TTC29: variants seen among roughly 807,000 people sequenced by gnomAD.
The protein encoded by TTC29 is tetratricopeptide repeat domain 29.
TTC29 carries 49 observed loss-of-function variants against 58.1 expected under a neutral mutation model. The ratio of observed to expected loss-of-function variants is 0.84; its 90% CI spans 0.67 to 1.07. The LOEUF (loss-of-function observed/expected upper bound fraction) is 1.07. Among genes scored for constraint, TTC29 ranks in the 50% least tolerant of loss-of-function variants. The pLI is 0.00. For synonymous variants in TTC29, 209 were observed against 196.8 expected, an observed-to-expected ratio of 1.06 and a Z score of -0.52; for missense variants, 582 against 555.6, an observed-to-expected ratio of 1.05 and a Z score of -0.48.
chr4:146,802,841 G>T (rs1349565804), intron 11 of TTC29, among the ~76,000 whole-genome samples: 1 of 152,078 alleles, frequency 6.6e-6, no homozygotes, highest in African/African-American at 2.4e-5. Flanking sequence ...CCATTCTAAA[G>T]TTCTTAACTG....
chr4:146,728,983 C>A (rs1336461750), intron 11 of TTC29, among the ~76,000 whole-genome samples: 1 of 150,234 alleles, frequency 6.7e-6, no homozygotes, highest in African/African-American at 2.4e-5. Context: ...CTGCTGTATC[C>A]CCAGTGCCTC....
chr4:146,842,587 T>C (rs2150170968), intron 8 of TTC29, among the ~76,000 whole-genome samples: 2 of 152,224 alleles, frequency 1.3e-5, no homozygotes, highest in South Asian at 4.1e-4. Flanking sequence ...AAAAATTGTC[T>C]ATAAAACCAT....
At chr4:146,943,917 T>G (rs1373752524) in intron 2 of TTC29, among the ~76,000 whole-genome samples, 1 of 152,166 alleles carries the variant, frequency 6.6e-6, no homozygotes, top group Non-Finnish European at 1.5e-5. Context: ...ATGGGACTAG[T>G]GCTATGAGGT....
chr4:146,754,034 C>T (rs937597207), intron 11 of TTC29, among the ~76,000 whole-genome samples: 4 of 150,632 alleles, frequency 2.7e-5, no homozygotes, highest in African/African-American at 7.3e-5. Flanking sequence ...TGCATATGTA[C>T]CCTAAAACTT....
At chr4:146,766,440 C>A (rs1747327329) in intron 11 of TTC29, among the ~76,000 whole-genome samples, 1 of 152,042 alleles carries the variant, frequency 6.6e-6, no homozygotes, top group African/African-American at 2.4e-5. Flanking sequence ...TTCTGACATT[C>A]TTAAAGCATT....
intron 11 of TTC29, among the ~76,000 whole-genome samples, chr4:146,785,154 T>G (rs1748916553): frequency 6.6e-6 from 1 of 151,946 alleles, no homozygotes; most frequent in African/African-American, 2.4e-5. Context: ...TTTCAGCTAT[T>G]GTTTATTAAT....
chr4:146,827,470 G>T (rs1477119661), intron 9 of TTC29, among the ~76,000 whole-genome samples: 1 of 152,158 alleles, frequency 6.6e-6, no homozygotes, highest in Non-Finnish European at 1.5e-5. Context: ...CCAAGGTTTG[G>T]AAAACATTCA....
chr4:146,942,425 T>A (rs1357206941), intron 2 of TTC29, among the ~76,000 whole-genome samples: 2 of 152,220 alleles, frequency 1.3e-5, no homozygotes, highest in East Asian at 3.8e-4. Context: ...TTAAAAAATC[T>A]ATTTTTCTGA....
chr4:146,726,019 T>G (rs1375458788), intron 11 of TTC29, among the ~76,000 whole-genome samples: 1 of 152,116 alleles, frequency 6.6e-6, no homozygotes, highest in East Asian at 1.9e-4. Context: ...ACTATTGATG[T>G]GTACTACCAA....
At position 146,942,442 on chromosome 4, in the gene TTC29, GTTATA is replaced by G. The variant is rs1294827812; in HGVS notation, c.-6-2546_-6-2542del. 5.7e-5 allele frequency: 26 copies of G among 457,288 alleles called. No individual in the cohort carries two copies. In the Admixed American group the frequency reaches 7.8e-4, roughly 14 times the overall value. 28.3% of individuals were successfully genotyped at this position (457,288 alleles called of 1,614,324 possible). A position where few individuals can be genotyped will look rare whatever the true frequency, so the allele number is the denominator to read the frequency against. On this transcript the variant is annotated intron_variant, in intron 2 of 12. Coordinates refer to ENST00000325106, the MANE Select transcript of TTC29 (RefSeq NM_031956.4). Reference sequence around the variant, plus strand: ...AAAAAATCTATTTTTCTGATTAGATGTTATATTAAACAGTTGAGTTACTGGAATAA... The same window carrying G: ...AAAAAATCTATTTTTCTGATTAGATGTTAAACAGTTGAGTTACTGGAATAA...
rs184071538 is a variant in TTC29, at chr4:146,763,363, T to A, written c.1330+40094A>T. Among the ~76,000 whole-genome samples the A allele has an allele frequency of 5.3e-5, 8 of 152,212 alleles. No individual in the cohort carries two copies. In the East Asian group the frequency reaches 1.4e-3, roughly 26 times the overall value. On this transcript the variant is annotated intron_variant, in intron 11 of 12. Coordinates refer to ENST00000325106, the MANE Select transcript of TTC29 (RefSeq NM_031956.4). ...TTTCCCATTCTCTCCTATTTCTGACTTTTTTAACTACAAGGAATTTTGTTG... is the reference window on the plus strand; with the variant it reads ...TTTCCCATTCTCTCCTATTTCTGACATTTTTAACTACAAGGAATTTTGTTG...
intron 9 of TTC29, among the ~76,000 whole-genome samples, chr4:146,828,546 A>C (rs1297723825): frequency 1.3e-5 from 2 of 152,232 alleles, no homozygotes; most frequent in East Asian, 3.9e-4. Context: ...ATGTTTCTAA[A>C]AACCAATATA....
intron 11 of TTC29, among the ~76,000 whole-genome samples, chr4:146,760,556 C>A (rs1746806756): frequency 6.6e-6 from 1 of 151,746 alleles, no homozygotes; most frequent in Non-Finnish European, 1.5e-5. Context: ...GCCATAGTCA[C>A]TAAAACAGCA....
At chr4:146,905,843 C>A (rs1733487355) in intron 5 of TTC29, among the ~76,000 whole-genome samples, 1 of 152,184 alleles carries the variant, frequency 6.6e-6, no homozygotes, top group South Asian at 2.1e-4. Flanking sequence ...ACCTGCTTAA[C>A]CTCAATGTTA....
At position 146,715,193 on chromosome 4, in the gene TTC29, A is replaced by G. The variant is rs550101202; in HGVS notation, c.1331-7642T>C. On this transcript the variant is annotated intron_variant, in intron 11 of 12. Transcript: ENST00000325106. ...GGTGGGAATGTAAATTAGTACAGCC[A>G]TTATGGAGGTTTCTCAAAAAACTAT... Among the ~76,000 whole-genome samples the G allele has an allele frequency of 1.2e-4, 19 of 152,278 alleles. 1 individual carries two copies. The South Asian group carries it at 3.9e-3, about 32-fold the overall frequency.
chr4:146,825,641 A>C (rs1168947493), intron 9 of TTC29, among the ~76,000 whole-genome samples: 3 of 152,184 alleles, frequency 2.0e-5, no homozygotes, highest in Admixed American at 1.3e-4. Flanking sequence ...AGCTGAGTTC[A>C]AGTCCTGAAT....
At chr4:146,775,549 T>C (rs374639449) in intron 11 of TTC29, among the ~76,000 whole-genome samples, 4 of 152,020 alleles carry the variant, frequency 2.6e-5, no homozygotes, top group African/African-American at 2.4e-5. Flanking sequence ...AATTTCTTTT[T>C]TTTTTTTTTT....
At chr4:146,803,767 C>A (rs1361184958) in intron 10 of TTC29, 82 bp from the exon 11 acceptor site, 2 of 1,057,942 alleles carry the variant, frequency 1.9e-6, no homozygotes, top group Admixed American at 5.4e-5. Flanking sequence ...CCTGGCATGT[C>A]CCACACTGAC....
intron 11 of TTC29, among the ~76,000 whole-genome samples, chr4:146,781,293 T>TTGA (rs1748580530): frequency 6.6e-6 from 1 of 151,956 alleles, no homozygotes; most frequent in Non-Finnish European, 1.5e-5. Context: ...AGATATATAC[T>TTGA]TGATATAAAT....
Sources: allele counts gnomAD v4.1 joint callset (sites outside exome capture counted in the v4.1 genomes callset), GRCh38; gene constraint gnomAD v4.1.1; transcripts MANE v1.5; gene names NCBI Gene and HGNC (gene_info 2026-07-23, HGNC 2026-07-21).